Variants in EHBP1 observed in about 807,000 individuals in gnomAD.
EHBP1 encodes EH domain binding protein 1, also known as EH domain-binding protein 1.
EHBP1 carries 55 observed loss-of-function variants against 144.0 expected under a neutral mutation model. The observed-to-expected ratio is 0.38, with a 90% CI of 0.31 to 0.48. The LOEUF is 0.48. Ranked by LOEUF, EHBP1 falls within the 20% of genes least tolerant of loss-of-function variation. The pLI is 0.98. For synonymous variants in EHBP1, 469 were observed against 472.7 expected (o/e 0.99, Z 0.10); for missense variants, 1,200 against 1,364.2 (o/e 0.88, Z 1.90).
In EHBP1 at chr2:62,933,226, G is replaced by C. The variant is rs147793618; in HGVS notation, c.1186-9492G>C. ...TTTTTCAAAACAAAAACAGTTTATT[G>C]AGAAGACTGACATTGTTTTTCATTT... On this transcript the variant is annotated intron_variant, in intron 10 of 22. Transcript: ENST00000431489. Among the ~76,000 whole-genome samples, 706 of 151,860 alleles carry C rather than the reference G, an allele frequency of 4.6e-3. 4 individuals carry two copies. The highest frequency in any genetic ancestry group is 8.6e-3 in the Non-Finnish European group (584 of 67,910).
chr2:62,777,476 C>G (rs957440152), intron 5 of EHBP1, among the ~76,000 whole-genome samples: 9 of 151,698 alleles, frequency 5.9e-5, no homozygotes, highest in Non-Finnish European at 7.4e-5. Context: ...TTAAGACATG[C>G]AGAATTTTGA....
chr2:63,023,536 G>A (rs556967840), intron 19 of EHBP1, among the ~76,000 whole-genome samples: 1 of 152,312 alleles, frequency 6.6e-6, no homozygotes, highest in African/African-American at 2.4e-5. Flanking sequence ...CATCTGGCTT[G>A]TCAGTGTCCC....
intron 5 of EHBP1, among the ~76,000 whole-genome samples, chr2:62,818,300 C>T (rs1212444863): frequency 6.6e-6 from 1 of 151,444 alleles, no homozygotes; most frequent in East Asian, 2.0e-4. Flanking sequence ...ACAGACATAC[C>T]ATTTAAAAAG....
intron 10 of EHBP1, among the ~76,000 whole-genome samples, chr2:62,930,060 A>G (rs995618576): frequency 1.3e-5 from 2 of 152,132 alleles, no homozygotes; most frequent in African/African-American, 4.8e-5. Flanking sequence ...CAGCCTGGAA[A>G]ACATGGCGAA....
At chr2:62,686,733 A>G (rs1388164155) in intron 1 of EHBP1, among the ~76,000 whole-genome samples, 1 of 152,184 alleles carries the variant, frequency 6.6e-6, no homozygotes, top group Non-Finnish European at 1.5e-5. Context: ...ATTATTTAAT[A>G]TTGCACACCA....
intron 18 of EHBP1, 62 bp downstream of exon 18, chr2:62,994,039 G>C: frequency 8.6e-7 from 1 of 1,165,138 alleles, no homozygotes; most frequent in Non-Finnish European, 1.2e-6. Flanking sequence ...TGTGGAAATA[G>C]TGCCTTTATT....
intron 19 of EHBP1, among the ~76,000 whole-genome samples, chr2:63,016,645 G>A (rs976204544): frequency 4.6e-5 from 7 of 152,104 alleles, no homozygotes; most frequent in Admixed American, 4.6e-4. Flanking sequence ...TGGCCAGGCT[G>A]GTCTCGAACT....
chr2:62,993,978 G>A lies in EHBP1; in HGVS notation c.2979+1G>A. On this transcript the variant is annotated splice_donor_variant, in intron 18 of 22. Transcript: ENST00000431489. LOFTEE classifies it high-confidence loss of function. ...GCCATCAGAAGATGAAGTGCTTAATGTATATTAATTTTTTGTGTGGTTTCA... is the reference window on the plus strand; with the variant it reads ...GCCATCAGAAGATGAAGTGCTTAATATATATTAATTTTTTGTGTGGTTTCA... 2 of 1,557,450 alleles carry A rather than the reference G, an allele frequency of 1.3e-6. No individual in the cohort carries two copies. The highest frequency in any genetic ancestry group is 8.7e-7 in the Non-Finnish European group (1 of 1,147,444).
In EHBP1 at chr2:62,990,773, A is replaced by G. The variant is rs987738199; in HGVS notation, c.2666A>G (p.Gln889Arg). ...AAGAAGCTCCTAGAAGTTCAGCCAC[A>G]GGTGGCAAATTCACCCTCCAGTGCT... Reference protein sequence around the residue: ...KLKKLLEVQPQVANSPSSAAQ... With the variant: ...KLKKLLEVQPRVANSPSSAAQ... The change falls in exon 16 of 23, where the codon CAG becomes CGG. Residue 889 changes from glutamine to arginine, a missense_variant. Gln to Arg is a conservative substitution (Grantham distance 43). Coordinates refer to ENST00000431489, the MANE Select transcript of EHBP1 (RefSeq NM_001142616.3). 8.1e-6 allele frequency: 13 copies of G among 1,613,946 alleles called. No homozygotes were observed. The highest frequency in any genetic ancestry group is 1.1e-5 in the Non-Finnish European group (13 of 1,179,872).
chr2:62,932,482 A>G (rs1355620641), intron 10 of EHBP1, among the ~76,000 whole-genome samples: 1 of 152,156 alleles, frequency 6.6e-6, no homozygotes, highest in East Asian at 1.9e-4. Context: ...AAAAAGACAA[A>G]TACTGTATGA....
At chr2:62,959,414 A>G (rs2057888387) in intron 14 of EHBP1, among the ~76,000 whole-genome samples, 1 of 152,168 alleles carries the variant, frequency 6.6e-6, no homozygotes, top group African/African-American at 2.4e-5. Flanking sequence ...GCTGGATCAT[A>G]TGGTAGTTCT....
At chr2:62,941,395 A>G (rs2056749530) in intron 10 of EHBP1, among the ~76,000 whole-genome samples, 1 of 152,154 alleles carries the variant, frequency 6.6e-6, no homozygotes, top group South Asian at 2.1e-4. Flanking sequence ...GTTGATTTTT[A>G]TGACCTGTGA....
intron 3 of EHBP1, among the ~76,000 whole-genome samples, chr2:62,763,725 A>G (rs2040945773): frequency 6.6e-6 from 1 of 152,132 alleles, no homozygotes; most frequent in African/African-American, 2.4e-5. Context: ...ACAAGGAAAA[A>G]AATACCTATA....
chr2:62,740,654 T>C (rs965002539), intron 2 of EHBP1, among the ~76,000 whole-genome samples: 1 of 152,132 alleles, frequency 6.6e-6, no homozygotes, highest in Non-Finnish European at 1.5e-5. Flanking sequence ...TTGGTATTAA[T>C]GTTTTGAGCT....
intron 2 of EHBP1, among the ~76,000 whole-genome samples, chr2:62,722,271 A>G (rs1316340260): frequency 1.3e-5 from 2 of 151,918 alleles, no homozygotes; most frequent in East Asian, 1.9e-4. Flanking sequence ...AGCTGGAACT[A>G]TAGGTGCATA....
intron 4 of EHBP1, among the ~76,000 whole-genome samples, chr2:62,771,070 C>T (rs555793823): frequency 2.0e-5 from 3 of 152,144 alleles, no homozygotes; most frequent in African/African-American, 4.8e-5. Context: ...TACTAGAATT[C>T]GTACCTGGGT....
intron 7 of EHBP1, among the ~76,000 whole-genome samples, chr2:62,849,697 G>A (rs1048449419): frequency 4.6e-5 from 7 of 152,030 alleles, no homozygotes; most frequent in Admixed American, 6.6e-5. Flanking sequence ...TGACTCATTC[G>A]GTTCATTCAT....
intron 8 of EHBP1, among the ~76,000 whole-genome samples, chr2:62,864,007 C>A (rs187895174): frequency 6.6e-6 from 1 of 151,712 alleles, no homozygotes; most frequent in South Asian, 2.1e-4. Context: ...CCACCCCACC[C>A]GGCTAGTTTT....
At chr2:62,759,891 A>G (rs770527912) in intron 3 of EHBP1, among the ~76,000 whole-genome samples, 6 of 152,098 alleles carry the variant, frequency 3.9e-5, no homozygotes, top group African/African-American at 7.2e-5. Flanking sequence ...AAACAGTAAC[A>G]CTATTTTTTT....
Sources: allele counts gnomAD v4.1 joint callset (sites outside exome capture counted in the v4.1 genomes callset), GRCh38; gene constraint gnomAD v4.1.1; transcripts MANE v1.5; gene names NCBI Gene and HGNC (gene_info 2026-07-23, HGNC 2026-07-21).